Variants in MAK16 observed in about 807,000 individuals in gnomAD.
MAK16 encodes the protein MAK16 homolog.
Under a neutral mutation model 49.9 loss-of-function variants are expected in MAK16, and 12 were observed. The observed-to-expected ratio is 0.24, with a 90% CI of 0.15 to 0.39. MAK16 has a LOEUF of 0.39. Among genes scored for constraint, MAK16 ranks in the 10% least tolerant of loss-of-function variants. The pLI is 1.00. For synonymous variants in MAK16, 115 were observed against 126.4 expected (o/e 0.91, Z 0.60); for missense variants, 292 against 363.7 (o/e 0.80, Z 1.60).
chr8:33,500,518 A>G lies in MAK16; in HGVS notation c.*1889A>G, dbSNP rs773730806. ...GGAATCAGGAAGAAAAGCTATGTTC[A>G]TACTCTAAATCTGGATATTAAAATT... On this transcript the variant is annotated 3_prime_UTR_variant, in exon 10 of 10. Transcript: ENST00000360128. 4 of 1,612,936 alleles carry G rather than the reference A, an allele frequency of 2.5e-6. No homozygotes were observed. In the East Asian group the frequency reaches 6.7e-5, roughly 27 times the overall value.
At chr8:33,496,805 A>G in intron 8 of MAK16, 64 bp downstream of exon 8, 8 of 1,232,594 alleles carry the variant, frequency 6.5e-6, no homozygotes, top group Non-Finnish European at 7.9e-6. Context: ...GAGAAACAGA[A>G]TATCATCTTC....
rs1431239260 is a variant in MAK16 at position 33,486,340 on chromosome 8, G to A, written c.15+1119G>A. 2.6e-5 allele frequency among the ~76,000 whole-genome samples: 4 copies of A among 152,252 alleles called. No homozygotes were observed. In the East Asian group the frequency reaches 7.7e-4, roughly 29 times the overall value. The stretch of plus-strand genomic sequence containing the variant: ...GGCTGGGGCTGGAGGATCGCTTGAG[G>A]CCAGGAGTTCGATTCCAGCCTAGGC... On this transcript the variant is annotated intron_variant, in intron 1 of 9. Transcript: ENST00000360128.
At chr8:33,497,032 A>G (rs550867684) in intron 8 of MAK16, among the ~76,000 whole-genome samples, 200 bp from the exon 9 acceptor site, 3 of 152,294 alleles carry the variant, frequency 2.0e-5, no homozygotes, top group African/African-American at 7.2e-5. Flanking sequence ...TTTTATTGCT[A>G]ATAATTTAAA....
Position 33,500,079 on chromosome 8 carries a change from T to A in MAK16, c.*1450T>A, listed in dbSNP as rs1809008836. On this transcript the variant is annotated 3_prime_UTR_variant, in exon 10 of 10. Transcript: ENST00000360128. ...TCATAATGCTTTTGCCCATACTGTC[T>A]CGTCCTTAGCCCCAGTGACATGTGC... is the stretch of plus-strand genomic sequence containing the variant. 2.4e-6 allele frequency: 1 copy of A among 420,612 alleles called. No homozygotes were observed. The highest frequency in any genetic ancestry group is 4.3e-6 in the Non-Finnish European group (1 of 231,878). The allele number at this position is 420,612 out of a possible 1,614,324, so 26.1% of individuals were successfully genotyped here. A position where few individuals can be genotyped will look rare whatever the true frequency, so the allele number is the denominator to read the frequency against.
rs1354451608 is a variant in MAK16, at chr8:33,498,876, T to G, written c.*247T>G. The G allele has an allele frequency of 1.7e-6, 1 of 583,276 alleles. No individual in the cohort carries two copies. The highest frequency in any genetic ancestry group is 2.9e-5 in the East Asian group (1 of 34,830). 36.1% of individuals were successfully genotyped at this position (583,276 alleles called of 1,614,324 possible). On this transcript the variant is annotated 3_prime_UTR_variant, in exon 10 of 10. Transcript: ENST00000360128. The stretch of plus-strand genomic sequence containing the variant: ...AGTAACAGCTTGTGCCCGAGAAACT[T>G]AACAGATGAGTTCTTGAATCTGGGA...
Position 33,500,014 on chromosome 8 carries a change from C to A in MAK16, c.*1385C>A. 2 of 183,942 alleles carry A rather than the reference C, an allele frequency of 1.1e-5. No individual in the cohort carries two copies. The highest frequency in any genetic ancestry group is 6.0e-5 in the Admixed American group (1 of 16,736). The allele number at this position is 183,942 out of a possible 1,614,324, so 11.4% of individuals were successfully genotyped here. A position where few individuals can be genotyped will look rare whatever the true frequency, so the allele number is the denominator to read the frequency against. ...TTATTTTTACTTTTTTTTTTTAATT[C>A]AGAAGACTAGAACAGAACTTAAATT... On this transcript the variant is annotated 3_prime_UTR_variant, in exon 10 of 10. Transcript: ENST00000360128.
Position 33,501,168 on chromosome 8 carries a change from A to T in MAK16, c.*2539A>T, listed in dbSNP as rs905507735. 2.6e-5 allele frequency: 4 copies of T among 152,184 alleles called. No individual in the cohort carries two copies. The highest frequency in any genetic ancestry group is 2.6e-4 in the Admixed American group (4 of 15,270). 9.4% of individuals were successfully genotyped at this position (152,184 alleles called of 1,614,324 possible). A position where few individuals can be genotyped will look rare whatever the true frequency, so the allele number is the denominator to read the frequency against. ...GTATTTTTACCACAATAAACAAAAA[A>T]CCCTAAAAAAACTTTAATGAAAGGT... On this transcript the variant is annotated 3_prime_UTR_variant, in exon 10 of 10. Coordinates refer to ENST00000360128, the MANE Select transcript of MAK16 (RefSeq NM_032509.4).
rs901735713 is a variant in MAK16, at chr8:33,495,628, A to G, written c.522+12A>G. The G allele has an allele frequency of 6.3e-7, 1 of 1,595,682 alleles. No homozygotes were observed. Among genetic ancestry groups the G allele is most frequent in the South Asian group, 1.1e-5 (1 of 90,508 alleles). The stretch of plus-strand genomic sequence containing the variant: ...TGAAACAAGATACGGTGAGAAAGCC[A>G]TTAGCTTTGGGGTACTGAAATTTTA... On this transcript the variant is annotated intron_variant, in intron 7 of 9. Transcript: ENST00000360128.
At chr8:33,487,876 T>C (rs1808712504) in intron 1 of MAK16, among the ~76,000 whole-genome samples, 1 of 152,246 alleles carries the variant, frequency 6.6e-6, no homozygotes, top group South Asian at 2.1e-4. Flanking sequence ...GAGTTATGAT[T>C]ATTGCTCATC....
rs117989458 is a variant in MAK16, at chr8:33,487,412, T to C, written c.16-966T>C. Among the ~76,000 whole-genome samples the C allele has an allele frequency of 4.2e-3, 616 of 146,754 alleles. 7 individuals are homozygous for C. Among genetic ancestry groups the C allele is most frequent in the Non-Finnish European group, 5.8e-3 (389 of 67,078 alleles). ...AAATTATGGTATGTATATCTAAAAATCTAATACCATGAAGCCTTTTTTTTT... is the reference window on the plus strand; with the variant it reads ...AAATTATGGTATGTATATCTAAAAACCTAATACCATGAAGCCTTTTTTTTT... On this transcript the variant is annotated intron_variant, in intron 1 of 9. Coordinates refer to ENST00000360128, the MANE Select transcript of MAK16 (RefSeq NM_032509.4).
intron 9 of MAK16, 32 bp from the exon 10 acceptor site, chr8:33,498,400 C>T: frequency 6.2e-7 from 1 of 1,602,414 alleles, no homozygotes; most frequent in African/African-American, 1.3e-5. Flanking sequence ...AGTGTTTTCC[C>T]TCTTCCTTTA....
chr8:33,497,060 C>G (rs1808872647), intron 8 of MAK16, among the ~76,000 whole-genome samples, 172 bp from the exon 9 acceptor site: 1 of 152,100 alleles, frequency 6.6e-6, no homozygotes, highest in African/African-American at 2.4e-5. Context: ...TAAGAATGAT[C>G]TGGTAGCCCT....
intron 6 of MAK16, among the ~76,000 whole-genome samples, chr8:33,492,852 GTTT>G (rs981013413): frequency 1.8e-4 from 27 of 149,296 alleles, no homozygotes; most frequent in African/African-American, 6.1e-4. Context: ...TTTGTTTTGT[GTTT>G]TTTTTGTTGT....
intron 7 of MAK16, among the ~76,000 whole-genome samples, chr8:33,496,039 A>G (rs534724057): frequency 1.6e-4 from 25 of 152,262 alleles, no homozygotes; most frequent in African/African-American, 5.1e-4. Context: ...ATAAATCCAT[A>G]TCGGCCTGGC....
Position 33,501,217 on chromosome 8 carries a change from T to A in MAK16, c.*2588T>A, listed in dbSNP as rs536633139. On this transcript the variant is annotated 3_prime_UTR_variant, in exon 10 of 10. Coordinates refer to ENST00000360128, the MANE Select transcript of MAK16 (RefSeq NM_032509.4). Reference sequence around the variant, plus strand: ...GTGGAAAATAATTTAACTTACAATGTGAAAATACAATGTGAAATGTACAAT... The same window carrying A: ...GTGGAAAATAATTTAACTTACAATGAGAAAATACAATGTGAAATGTACAAT... 1 of 152,320 alleles carries A rather than the reference T, an allele frequency of 6.6e-6. No individual in the cohort carries two copies. Among genetic ancestry groups the A allele is most frequent in the East Asian group, 1.9e-4 (1 of 5,186 alleles). 9.4% of individuals were successfully genotyped at this position (152,320 alleles called of 1,614,324 possible).
intron 9 of MAK16, 23 bp from the exon 10 acceptor site, chr8:33,498,405 CCTTT>C: frequency 1.2e-6 from 2 of 1,607,670 alleles, no homozygotes; most frequent in Non-Finnish European, 1.7e-6. Context: ...TTTCCCTCTT[CCTTT>C]ATCTTTTCTC....
At chr8:33,490,870 C>T (rs546070332) in intron 6 of MAK16, among the ~76,000 whole-genome samples, 16 of 152,330 alleles carry the variant, frequency 1.1e-4, no homozygotes, top group Admixed American at 9.8e-4. Flanking sequence ...CTAGCAAATA[C>T]TAGGTCTTAT....
chr8:33,496,668 C>A lies in MAK16; in HGVS notation c.566C>A (p.Ala189Asp). The stretch of plus-strand genomic sequence containing the variant: ...TTCCCCATTCATGCCTTCGACAAAG[C>A]CCTGGAACAACAGGAGGCAGAGAGT... ...YNFPIHAFDK[A>D]LEQQEAESDS... The change falls in exon 8 of 10, where the codon GCC becomes GAC. Residue 189 changes from alanine to aspartate, a missense_variant. Coordinates refer to ENST00000360128, the MANE Select transcript of MAK16 (RefSeq NM_032509.4). 1.2e-6 allele frequency: 2 copies of A among 1,613,420 alleles called. No homozygotes were observed. Among genetic ancestry groups the A allele is most frequent in the Non-Finnish European group, 1.7e-6 (2 of 1,179,736 alleles).
Position 33,499,650 on chromosome 8 carries a change from C to T in MAK16, c.*1021C>T. 5.5e-6 allele frequency: 1 copy of T among 181,262 alleles called. No individual in the cohort carries two copies. The highest frequency in any genetic ancestry group is 1.2e-4 in the South Asian group (1 of 8,668). 11.2% of individuals were successfully genotyped at this position (181,262 alleles called of 1,614,324 possible). A position where few individuals can be genotyped will look rare whatever the true frequency, so the allele number is the denominator to read the frequency against. Reference sequence around the variant, plus strand: ...AAAATAACAATTCATACTATCTCTACATATTTTTAGGATATGAATTTTTTT... The same window carrying T: ...AAAATAACAATTCATACTATCTCTATATATTTTTAGGATATGAATTTTTTT... On this transcript the variant is annotated 3_prime_UTR_variant, in exon 10 of 10. Coordinates refer to ENST00000360128, the MANE Select transcript of MAK16 (RefSeq NM_032509.4).
Sources: gnomAD v4.1 joint callset for allele counts (sites outside exome capture counted in the v4.1 genomes callset) on GRCh38, gnomAD v4.1.1 for gene constraint, MANE v1.5 for transcripts, NCBI Gene and HGNC (gene_info 2026-07-23, HGNC 2026-07-21) for gene names.